The following CRIPTO variants were observed in gnomAD, a reference collection of about 807,000 sequenced individuals.
The protein encoded by CRIPTO is protein Cripto.
the CRIPTO span, chr3:46,579,094 G>C: frequency 1.2e-6 from 2 of 1,614,144 alleles, no homozygotes; most frequent in Non-Finnish European, 1.7e-6. Flanking sequence ...CCTCTTCCTA[G>C]TGTGATTTGG....
chr3:46,578,534 C>T, the CRIPTO span, among the ~76,000 whole-genome samples: 3 of 152,144 alleles, frequency 2.0e-5, no homozygotes, highest in Non-Finnish European at 2.9e-5. Flanking sequence ...CATGGCAAAA[C>T]CCCGTCTCTA....
chr3:46,577,993 C>T, the CRIPTO span: 5 of 1,614,110 alleles, frequency 3.1e-6, no homozygotes, highest in South Asian at 5.5e-5. Flanking sequence ...AGATGGCCCG[C>T]TTCTCTTACA....
chr3:46,575,252 G>T, the CRIPTO span, among the ~76,000 whole-genome samples: 2 of 152,178 alleles, frequency 1.3e-5, no homozygotes, highest in Non-Finnish European at 2.9e-5. Flanking sequence ...TCACAGTGGG[G>T]TTACTTCTCA....
the CRIPTO span, chr3:46,579,836 G>A: frequency 4.6e-5 from 75 of 1,614,116 alleles, no homozygotes; most frequent in South Asian, 8.1e-4. Context: ...GGAACTGTGA[G>A]CACGATGTGC....
At chr3:46,581,187 G>C in the CRIPTO span, 1 of 1,614,146 alleles carries the variant, frequency 6.2e-7, no homozygotes, top group South Asian at 1.1e-5. Context: ...AACTACCACC[G>C]TCTGCACGTA....
At chr3:46,580,810 GA>G in the CRIPTO span, among the ~76,000 whole-genome samples, 2 of 152,178 alleles carry the variant, frequency 1.3e-5, no homozygotes, top group Non-Finnish European at 2.9e-5. Context: ...GAACAGGAAG[GA>G]ATTCCCCAAT....
the CRIPTO span, chr3:46,581,593 T>G: frequency 1.8e-3 from 1,018 of 564,198 alleles, 1 homozygote; most frequent in Non-Finnish European, 2.7e-3. Flanking sequence ...CACTGCAACC[T>G]CCGCATCCGG....
the CRIPTO span, among the ~76,000 whole-genome samples, chr3:46,576,055 G>A: frequency 1.3e-5 from 2 of 152,188 alleles, no homozygotes; most frequent in Non-Finnish European, 2.9e-5. Context: ...GGGAGGAGGC[G>A]AAGCGCAGCA....
chr3:46,580,118 G>A, the CRIPTO span: 1 of 1,611,652 alleles, frequency 6.2e-7, no homozygotes, highest in Non-Finnish European at 8.5e-7. Flanking sequence ...TGCCTTGGGG[G>A]GTGCTTAGTT....
the CRIPTO span, chr3:46,581,418 T>G: frequency 5.9e-6 from 4 of 677,472 alleles, no homozygotes; most frequent in Non-Finnish European, 1.1e-5. Context: ...CAGAACTACT[T>G]CTTACTTCTT....
chr3:46,576,480 CAA>C, the CRIPTO span, among the ~76,000 whole-genome samples: 375 of 54,970 alleles, frequency 6.8e-3, no homozygotes, highest in African/African-American at 0.01. Context: ...GACTCTGTCG[CAA>C]AAAAAAAAAA....
the CRIPTO span, chr3:46,578,959 A>G: frequency 3.9e-6 from 4 of 1,019,094 alleles, no homozygotes; most frequent in African/African-American, 6.4e-5. Flanking sequence ...TAGCCATTAA[A>G]AAAAGAAAGA....
the CRIPTO span, among the ~76,000 whole-genome samples, chr3:46,576,556 T>C: frequency 4.1e-5 from 6 of 147,112 alleles, no homozygotes; most frequent in Non-Finnish European, 8.9e-5. Flanking sequence ...TGTGGATCCA[T>C]GGCATTCACA....
chr3:46,575,951 C>G, the CRIPTO span, among the ~76,000 whole-genome samples: 3 of 152,188 alleles, frequency 2.0e-5, no homozygotes, highest in Admixed American at 2.0e-4. Context: ...AGCCCTCCCC[C>G]ACCTCCGGCC....
the CRIPTO span, chr3:46,577,807 G>A: frequency 4.9e-6 from 4 of 815,332 alleles, no homozygotes; most frequent in Non-Finnish European, 8.5e-6. Context: ...TGGACGCCTT[G>A]CTCCTGCTTC....
At chr3:46,582,059 A>T in the CRIPTO span, 1 of 152,216 alleles carries the variant, frequency 6.6e-6, no homozygotes, top group Non-Finnish European at 1.5e-5. Flanking sequence ...TGGGTAGGAA[A>T]GAGGAAGCAA....
the CRIPTO span, chr3:46,577,747 C>T: frequency 1.2e-5 from 7 of 589,524 alleles, no homozygotes; most frequent in African/African-American, 1.9e-5. Flanking sequence ...AAGGCTGAGT[C>T]TCCAGCTCAA....
chr3:46,579,043 A>G, the CRIPTO span: 2 of 1,602,712 alleles, frequency 1.2e-6, no homozygotes, highest in East Asian at 4.5e-5. Flanking sequence ...GTTAACTTGT[A>G]AGGTTTTATT....
the CRIPTO span, among the ~76,000 whole-genome samples, chr3:46,578,585 T>G: frequency 6.6e-6 from 1 of 152,098 alleles, no homozygotes; most frequent in Non-Finnish European, 1.5e-5. Flanking sequence ...GGCGGGCACC[T>G]GTAATCCCAG....
Sources: gnomAD v4.1 joint callset for allele counts (sites outside exome capture counted in the v4.1 genomes callset) on GRCh38, gnomAD v4.1.1 for gene constraint, MANE v1.5 for transcripts, NCBI Gene and HGNC (gene_info 2026-07-23, HGNC 2026-07-21) for gene names.